The following USP54 variants were observed in gnomAD, a reference collection of about 807,000 sequenced individuals.
The protein encoded by USP54 is ubiquitin specific peptidase 54, also known as ubiquitin carboxyl-terminal hydrolase 54.
A neutral mutation model predicts 170.5 loss-of-function variants in USP54; 87 were observed. That is an observed-to-expected ratio of 0.51 (90% CI 0.43 to 0.61). The LOEUF (loss-of-function observed/expected upper bound fraction) is 0.61, where lower values mean the gene tolerates loss of function less well. Among genes scored for constraint, USP54 ranks in the 20% least tolerant of loss-of-function variants. The pLI is 0.00. For missense variants in USP54, 1,786 were observed against 2,047.8 expected, an observed-to-expected ratio of 0.87 and a Z score of 2.47; for synonymous variants, 655 against 742.8, an observed-to-expected ratio of 0.88 and a Z score of 1.92.
At chr10:73,583,566 G>A (rs374238264) in intron 1 of USP54, among the ~76,000 whole-genome samples, 1 of 152,120 alleles carries the variant, frequency 6.6e-6, no homozygotes, top group South Asian at 2.1e-4. Context: ...GATTACAGGC[G>A]TGAGCCACTG....
intron 1 of USP54, among the ~76,000 whole-genome samples, chr10:73,579,920 T>C (rs2076655660): frequency 6.6e-6 from 1 of 152,160 alleles, no homozygotes; most frequent in Non-Finnish European, 1.5e-5. Context: ...AACTACACTA[T>C]ACACCTATTA....
chr10:73,617,230 A>G (rs2132339998), intron 1 of USP54, among the ~76,000 whole-genome samples: 1 of 150,494 alleles, frequency 6.6e-6, no homozygotes, highest in Admixed American at 6.6e-5. Flanking sequence ...CAGGAGGTGG[A>G]GGTTGCGGTG....
At position 73,517,073 on chromosome 10, in the gene USP54, T is replaced by C; in HGVS notation, c.3353A>G (p.Tyr1118Cys). The C allele has an allele frequency of 1.2e-6, 2 of 1,614,224 alleles. No individual in the cohort carries two copies. Among genetic ancestry groups the C allele is most frequent in the Non-Finnish European group, 1.7e-6 (2 of 1,180,040 alleles). Residue 1118 changes from tyrosine to cysteine, a missense_variant, in exon 20 of 24, where the codon TAT becomes TGT. Around this residue, in one of 3 missense-constraint regions of USP54, gnomAD observed 1,418 missense variants for 1,569.0 expected, o/e 0.90. Transcript: ENST00000687698. ...CTTTGTGCTGGGAAACTCTGGCCTA[T>C]AGGTCTCCTCACTGCCTCTGTCCAC... ...LKVDRGSEETYRPEFPSTKGL... is the reference protein window; with the variant it reads ...LKVDRGSEETCRPEFPSTKGL...
At position 73,499,053 on chromosome 10, in the gene USP54, G is replaced by T; in HGVS notation, c.4631C>A (p.Pro1544His). The T allele has an allele frequency of 1.9e-6, 3 of 1,614,102 alleles. No homozygotes were observed. The highest frequency in any genetic ancestry group is 2.5e-6 in the Non-Finnish European group (3 of 1,180,022). ...AATATGCTGGTTGGTCTCTGACCAG[G>T]GTGCCCAGGAGTTGTCTGTTCTGGA... is the stretch of plus-strand genomic sequence containing the variant. ...HRSRTDNSWA[P>H]WSETNQHIGT... The change falls in exon 24 of 24, where the codon CCC becomes CAC. Residue 1544 changes from proline to histidine, a missense_variant. Physicochemically the swap from Pro to His is moderately conservative, Grantham distance 77. Coordinates refer to ENST00000687698, the MANE Select transcript of USP54 (RefSeq NM_001391956.1).
chr10:73,533,034 C>T (rs544192704), intron 12 of USP54, among the ~76,000 whole-genome samples: 28 of 152,212 alleles, frequency 1.8e-4, no homozygotes, highest in Middle Eastern at 6.8e-3. Context: ...GGGCTGGGCA[C>T]GGTGGCTCAC....
chr10:73,521,335 A>C (rs181447250), intron 17 of USP54, among the ~76,000 whole-genome samples: 1 of 152,334 alleles, frequency 6.6e-6, no homozygotes, highest in Admixed American at 6.5e-5. Flanking sequence ...CGGTACTTAT[A>C]TGACAGTGCG....
intron 21 of USP54, 68 bp downstream of exon 21, chr10:73,505,240 C>T: frequency 6.8e-7 from 1 of 1,463,898 alleles, no homozygotes; most frequent in Non-Finnish European, 9.4e-7. Context: ...ATCCCTGTCA[C>T]ATCTCTCCAT....
chr10:73,614,804 T>G (rs923895828), intron 1 of USP54, among the ~76,000 whole-genome samples: 2 of 150,036 alleles, frequency 1.3e-5, no homozygotes, highest in African/African-American at 5.1e-5. Flanking sequence ...AGGATAAATA[T>G]AAAATATTTT....
upstream of USP54, among the ~76,000 whole-genome samples, chr10:73,592,495 T>C (rs1341239335): frequency 7.0e-6 from 1 of 143,404 alleles, no homozygotes; most frequent in African/African-American, 2.6e-5. Context: ...AAAAAAAAGA[T>C]ACTGTTGCTT....
At chr10:73,572,748 G>T (rs2133805570) in intron 3 of USP54, among the ~76,000 whole-genome samples, 1 of 152,250 alleles carries the variant, frequency 6.6e-6, no homozygotes, top group Non-Finnish European at 1.5e-5. Context: ...CAATCATTAA[G>T]TATGGATACA....
chr10:73,498,614 G>T lies in USP54; in HGVS notation c.*15C>A, dbSNP rs1039747995. Reference sequence around the variant, plus strand: ...CAAAGAAAGGTGTAGCTCCAGGAAAGGAAAGGAATAACCTTTACCATTGAC... The same window carrying T: ...CAAAGAAAGGTGTAGCTCCAGGAAATGAAAGGAATAACCTTTACCATTGAC... On this transcript the variant is annotated 3_prime_UTR_variant, in exon 24 of 24. Coordinates refer to ENST00000687698, the MANE Select transcript of USP54 (RefSeq NM_001391956.1). 20 of 1,513,344 alleles carry T rather than the reference G, an allele frequency of 1.3e-5. No homozygotes were observed. Among genetic ancestry groups the T allele is most frequent in the Non-Finnish European group, 1.8e-5 (20 of 1,130,020 alleles). 93.7% of individuals were successfully genotyped at this position (1,513,344 alleles called of 1,614,324 possible).
At chr10:73,516,297 ACT>A (rs2061071342) in intron 20 of USP54, 76 bp downstream of exon 20, 2 of 1,446,112 alleles carry the variant, frequency 1.4e-6, no homozygotes, top group African/African-American at 1.4e-5. Context: ...TGTATAGAAC[ACT>A]CCCTTCTGAT....
At chr10:73,566,188 C>T (rs1021697469) in intron 4 of USP54, among the ~76,000 whole-genome samples, 2 of 151,996 alleles carry the variant, frequency 1.3e-5, no homozygotes, top group African/African-American at 4.8e-5. Context: ...TGAGATCGCA[C>T]CATTGCACTC....
rs542775795 is a variant in USP54, at chr10:73,598,285, T to G, written c.-17-22610A>C. On this transcript the variant is annotated intron_variant, in intron 1 of 22. Transcript: ENST00000339859. ...CTGGAATAATTGAATATCCCCCATA[T>G]GCAAGAGAAAAAGTTGGACTCCTAT... is the stretch of plus-strand genomic sequence containing the variant. 8.5e-5 allele frequency among the ~76,000 whole-genome samples: 13 copies of G among 152,256 alleles called. No homozygotes were observed. In the South Asian group the frequency reaches 1.0e-3, roughly 12 times the overall value.
Position 73,517,075 on chromosome 10 carries a change from G to A in USP54, c.3351C>T (p.Thr1117=). ...TTGTGCTGGGAAACTCTGGCCTATAGGTCTCCTCACTGCCTCTGTCCACTT... is the reference window on the plus strand; with the variant it reads ...TTGTGCTGGGAAACTCTGGCCTATAAGTCTCCTCACTGCCTCTGTCCACTT... ...TLKVDRGSEE[T]YRPEFPSTKG... Residue 1117 remains threonine (T), a synonymous_variant, in exon 20 of 24, where the codon ACC becomes ACT. Coordinates refer to ENST00000687698, the MANE Select transcript of USP54 (RefSeq NM_001391956.1). 1.2e-6 allele frequency: 2 copies of A among 1,614,176 alleles called. No individual in the cohort carries two copies. Among genetic ancestry groups the A allele is most frequent in the Non-Finnish European group, 1.7e-6 (2 of 1,180,042 alleles).
intron 1 of USP54, among the ~76,000 whole-genome samples, chr10:73,617,723 T>C (rs902386415): frequency 6.7e-6 from 1 of 149,326 alleles, no homozygotes; most frequent in African/African-American, 2.6e-5. Context: ...CAGGAAAAGC[T>C]TTGTTGAGAG....
At chr10:73,536,493 C>A in intron 10 of USP54, 56 bp from the exon 11 acceptor site, 1 of 1,444,968 alleles carries the variant, frequency 6.9e-7, no homozygotes, top group Non-Finnish European at 9.1e-7. Flanking sequence ...CCACAATTCA[C>A]AACATATCTT....
intron 20 of USP54, chr10:73,513,400 G>A (rs1198464533): frequency 2.0e-5 from 3 of 152,010 alleles, no homozygotes; most frequent in Non-Finnish European, 4.4e-5. Context: ...GGGAGGCGGA[G>A]GTTGCAGTGA....
rs79222125 is a variant in USP54, at chr10:73,582,944, T to C, written c.-581-6583A>G. The stretch of plus-strand genomic sequence containing the variant: ...GGTCAAAATAACCAGTAATAATACA[T>C]ATTGACATCATGAATGCCATGATAT... On this transcript the variant is annotated intron_variant, in intron 1 of 23. Transcript: ENST00000687698. 5.6e-3 allele frequency among the ~76,000 whole-genome samples: 846 copies of C among 152,332 alleles called. 18 individuals carry two copies. The highest frequency in any genetic ancestry group is 0.028 in the East Asian group (143 of 5,192).
Sources: allele counts gnomAD v4.1 joint callset (sites outside exome capture counted in the v4.1 genomes callset), GRCh38; gene constraint gnomAD v4.1.1; regional missense constraint gnomAD v4.1.1; transcripts MANE v1.5; gene names NCBI Gene and HGNC (gene_info 2026-07-23, HGNC 2026-07-21).